SSU72: variants seen among roughly 807,000 people sequenced by gnomAD.
SSU72 encodes SSU72 homolog, RNA polymerase II CTD phosphatase.
Under a neutral mutation model 22.7 loss-of-function variants are expected in SSU72, and 12 were observed. The ratio of observed to expected loss-of-function variants is 0.53; its 90% CI spans 0.34 to 0.86. The LOEUF (loss-of-function observed/expected upper bound fraction) is 0.86, where lower values mean the gene tolerates loss of function less well. SSU72 is among the 40% of genes least tolerant of loss of function. The probability of loss-of-function intolerance (pLI) is 0.02; values close to 1 mark genes in which losing one functional copy is unlikely to be tolerated. For missense variants in SSU72, 151 were observed against 249.8 expected (o/e 0.60, Z 2.67); for synonymous variants, 116 against 98.3 (o/e 1.18, Z -1.06).
intron 1 of SSU72, among the ~76,000 whole-genome samples, chr1:1,567,789 T>C (rs1284952769): frequency 1.3e-5 from 2 of 151,756 alleles, no homozygotes; most frequent in African/African-American, 4.8e-5. Flanking sequence ...GGCACACGCC[T>C]GTAATCCCAG....
Position 1,574,656 on chromosome 1 carries a change from G to C in SSU72, c.-99C>G. ...TGGCGGCCGCGGTGGCCGGAAGCGG[G>C]CGACGCGAAACGACGGCGCCGGCGG... On this transcript the variant is annotated 5_prime_UTR_variant, in exon 1 of 5. Coordinates refer to ENST00000291386, the MANE Select transcript of SSU72 (RefSeq NM_014188.3). 1 of 564,834 alleles carries C rather than the reference G, an allele frequency of 1.8e-6. No homozygotes were observed. The highest frequency in any genetic ancestry group is 2.0e-6 in the Non-Finnish European group (1 of 488,172). 35.0% of individuals were successfully genotyped at this position (564,834 alleles called of 1,614,324 possible).
chr1:1,573,851 C>A (rs1249880250), intron 1 of SSU72, among the ~76,000 whole-genome samples: 1 of 151,878 alleles, frequency 6.6e-6, no homozygotes, highest in Non-Finnish European at 1.5e-5. Flanking sequence ...TGTGACTGAA[C>A]AAAAAACTTG....
At chr1:1,547,111 C>T (rs926372422) in intron 2 of SSU72, among the ~76,000 whole-genome samples, 3 of 152,252 alleles carry the variant, frequency 2.0e-5, no homozygotes, top group East Asian at 3.9e-4. Flanking sequence ...GTGCAGGGAC[C>T]GGCTCACGGA....
chr1:1,573,429 CAAAAAAAAA>C (rs56930035), intron 1 of SSU72, among the ~76,000 whole-genome samples: 21 of 107,452 alleles, frequency 2.0e-4, no homozygotes, highest in Non-Finnish European at 3.8e-4. Flanking sequence ...GACTCTGTCT[CAAAAAAAAA>C]AAAAAAAAAA....
chr1:1,574,775 C>T lies in SSU72; in HGVS notation c.-218G>A, dbSNP rs1462802511. The T allele has an allele frequency of 4.0e-6, 1 of 249,412 alleles. No individual in the cohort carries two copies. Among genetic ancestry groups the T allele is most frequent in the Non-Finnish European group, 7.5e-6 (1 of 132,890 alleles). The allele number at this position is 249,412 out of a possible 1,614,324, so 15.4% of individuals were successfully genotyped here. On this transcript the variant is annotated 5_prime_UTR_variant, in exon 1 of 5. The change creates a new upstream start codon in the 5' untranslated region. Coordinates refer to ENST00000291386, the MANE Select transcript of SSU72 (RefSeq NM_014188.3). ...GGCACTGGCCTTCGGGCGCGCTGCA[C>T]TCGGCGAGGCCGGGGGCGGCCAACG...
chr1:1,553,405 G>C (rs1642477440), intron 2 of SSU72, among the ~76,000 whole-genome samples: 1 of 152,098 alleles, frequency 6.6e-6, no homozygotes, highest in Admixed American at 6.6e-5. Context: ...GGCTGAGGCA[G>C]GCAGATCACG....
intron 2 of SSU72, among the ~76,000 whole-genome samples, chr1:1,556,815 G>A (rs1199891648): frequency 2.0e-5 from 3 of 152,208 alleles, no homozygotes; most frequent in Non-Finnish European, 1.5e-5. Flanking sequence ...ACAGGCTTGT[G>A]GGCCCTGACC....
chr1:1,554,358 C>G lies in SSU72; in HGVS notation c.225-9356G>C, dbSNP rs1424761705. On this transcript the variant is annotated intron_variant, in intron 2 of 4. Coordinates refer to ENST00000291386, the MANE Select transcript of SSU72 (RefSeq NM_014188.3). This position sits in a 1 kb window ranked among gnomAD's most constrained non-coding sequence, Gnocchi z 4.1. The stretch of plus-strand genomic sequence containing the variant: ...GCGGATCCGGACCACTCGGGGGTCC[C>G]CACGAAGCTGAGCATGAGGCGGATC... Among the ~76,000 whole-genome samples, 1 of 151,936 alleles carries G rather than the reference C, an allele frequency of 6.6e-6. No homozygotes were observed. The highest frequency in any genetic ancestry group is 2.4e-5 in the African/African-American group (1 of 41,368).
rs79147145 is a variant in SSU72, at chr1:1,547,586, C to A, written c.225-2584G>T. ...GGGACCACAGACCAAGCCATGAGCT[C>A]ACAGGGACGCAAGATCCCACCTGAA... On this transcript the variant is annotated intron_variant, in intron 2 of 4. Coordinates refer to ENST00000291386, the MANE Select transcript of SSU72 (RefSeq NM_014188.3). 3.7e-3 allele frequency among the ~76,000 whole-genome samples: 571 copies of A among 152,320 alleles called. 2 individuals are homozygous for A. Among genetic ancestry groups the A allele is most frequent in the African/African-American group, 0.013 (541 of 41,570 alleles).
At chr1:1,553,791 CAA>C (rs33931848) in intron 2 of SSU72, among the ~76,000 whole-genome samples, 8,132 of 106,164 alleles carry the variant, frequency 0.077, 507 homozygotes, top group East Asian at 0.33. Flanking sequence ...GACTCCGTCT[CAA>C]AAAAAAAAAA....
chr1:1,574,419 G>A (rs536988576), intron 1 of SSU72, 59 bp downstream of exon 1: 3 of 1,527,122 alleles, frequency 2.0e-6, no homozygotes, highest in Non-Finnish European at 2.7e-6. Flanking sequence ...GGGAACCGGG[G>A]AGGAGGGAGG....
chr1:1,555,710 C>A (rs1193536161), intron 2 of SSU72, among the ~76,000 whole-genome samples: 1 of 152,196 alleles, frequency 6.6e-6, no homozygotes, highest in Non-Finnish European at 1.5e-5. Context: ...TCAAGAAATA[C>A]ATCTGGGCCG....
chr1:1,574,276 C>T (rs1321394768), intron 1 of SSU72, among the ~76,000 whole-genome samples: 1 of 152,120 alleles, frequency 6.6e-6, no homozygotes, highest in Non-Finnish European at 1.5e-5. Flanking sequence ...CGCCTCGTCC[C>T]GGAACCTGCC....
chr1:1,545,070 C>T, intron 2 of SSU72, 68 bp from the exon 3 acceptor site: 1 of 1,558,880 alleles, frequency 6.4e-7, no homozygotes, highest in Non-Finnish European at 8.7e-7. Flanking sequence ...GCGCCTGTGT[C>T]CTGGACACCC....
At chr1:1,562,840 T>A (rs559171135) in intron 2 of SSU72, 1 of 152,432 alleles carries the variant, frequency 6.6e-6, no homozygotes, top group South Asian at 2.1e-4. Context: ...CTTAGAGATT[T>A]TTCCAAACGC....
intron 1 of SSU72, among the ~76,000 whole-genome samples, chr1:1,568,009 C>T (rs528618534): frequency 2.2e-3 from 338 of 151,916 alleles, no homozygotes; most frequent in African/African-American, 7.8e-3. Flanking sequence ...CAAGAACTCA[C>T]CACCTGCTGG....
At position 1,542,318 on chromosome 1, in the gene SSU72, C is replaced by G. The variant is rs551563701; in HGVS notation, c.484-151G>C. On this transcript the variant is annotated intron_variant, in intron 4 of 4. Transcript: ENST00000291386. The surrounding 1 kb of genome is among the most constrained non-coding windows in gnomAD (Gnocchi z 4.4). ...CCCCACCGCTGCTGCCTCACAAGGA[C>G]GGCCGGAGGCTGCAGGGGGAGAGCG... 4.2e-6 allele frequency: 3 copies of G among 718,516 alleles called. No individual in the cohort carries two copies. The highest frequency in any genetic ancestry group is 3.6e-5 in the African/African-American group (2 of 56,228). The allele number at this position is 718,516 out of a possible 1,614,324, so 44.5% of individuals were successfully genotyped here. A position where few individuals can be genotyped will look rare whatever the true frequency, so the allele number is the denominator to read the frequency against.
intron 2 of SSU72, among the ~76,000 whole-genome samples, chr1:1,547,900 C>T (rs1570382729): frequency 6.6e-6 from 1 of 152,228 alleles, no homozygotes; most frequent in African/African-American, 2.4e-5. Flanking sequence ...CGCCCAGGTC[C>T]TGCAGAAGTC....
At chr1:1,549,120 A>G (rs1433280714) in intron 2 of SSU72, among the ~76,000 whole-genome samples, 1 of 152,230 alleles carries the variant, frequency 6.6e-6, no homozygotes, top group Non-Finnish European at 1.5e-5. Flanking sequence ...TGTCATCAAC[A>G]CAGAATCACG....
Sources: gnomAD v4.1 joint callset for allele counts (sites outside exome capture counted in the v4.1 genomes callset) on GRCh38, gnomAD v4.1.1 for gene constraint, Gnocchi (gnomAD v3.1) non-coding constraint, MANE v1.5 for transcripts, NCBI Gene and HGNC (gene_info 2026-07-23, HGNC 2026-07-21) for gene names.